Variants in AGBL1 observed in about 807,000 individuals in gnomAD.
The protein encoded by AGBL1 is AGBL carboxypeptidase 1, also known as cytosolic carboxypeptidase 4.
A neutral mutation model predicts 118.9 loss-of-function variants in AGBL1; 130 were observed. The ratio of observed to expected loss-of-function variants is 1.09; its 90% CI spans 0.95 to 1.26. The LOEUF (loss-of-function observed/expected upper bound fraction) is 1.26, where lower values mean the gene tolerates loss of function less well. Among genes scored for constraint, AGBL1 ranks in the 50% most tolerant of loss-of-function variants. The pLI is 0.00. For synonymous variants in AGBL1, 555 were observed against 478.9 expected (o/e 1.16, Z -2.08); for missense variants, 1,584 against 1,298.1 (o/e 1.22, Z -3.38).
intron 16 of AGBL1, among the ~76,000 whole-genome samples, chr15:86,289,814 C>A (rs2079515847): frequency 1.3e-5 from 2 of 152,176 alleles, no homozygotes; most frequent in Non-Finnish European, 2.9e-5. Flanking sequence ...CTCCTCATCT[C>A]AAATTTCCTA....
In AGBL1 at chr15:86,639,903, A is replaced by AATG. The variant is rs781250919; in HGVS notation, c.2995-34369_2995-34368insTGA. On this transcript the variant is annotated intron_variant, in intron 21 of 22. Coordinates refer to ENST00000614907, the MANE Select transcript of AGBL1 (RefSeq NM_001386094.1). Reference sequence around the variant, plus strand: ...TATAACCAGGCTGCAAACTCCTTGAAAGCTTGTCCTTATCTTCTGCTTTCT... The same window carrying AATG: ...TATAACCAGGCTGCAAACTCCTTGAAATGAGCTTGTCCTTATCTTCTGCTTTCT... Among the ~76,000 whole-genome samples the AATG allele has an allele frequency of 1.2e-4, 18 of 152,250 alleles. No individual in the cohort carries two copies. The South Asian group carries it at 1.5e-3, about 12-fold the overall frequency.
intron 22 of AGBL1, among the ~76,000 whole-genome samples, chr15:86,729,843 A>G: frequency 6.6e-6 from 1 of 152,170 alleles, no homozygotes; most frequent in East Asian, 1.9e-4. Flanking sequence ...TCTTAGAGAA[A>G]TCACACTGCT....
At chr15:86,477,832 A>G (rs1326933405) in intron 18 of AGBL1, among the ~76,000 whole-genome samples, 3 of 152,246 alleles carry the variant, frequency 2.0e-5, no homozygotes, top group African/African-American at 7.2e-5. Context: ...AAAAATCCTC[A>G]ATAAAATACT....
intron 22 of AGBL1, among the ~76,000 whole-genome samples, chr15:86,882,832 G>C (rs982877863): frequency 6.6e-6 from 1 of 152,060 alleles, no homozygotes; most frequent in Non-Finnish European, 1.5e-5. Flanking sequence ...AAACTAGACA[G>C]GAACCTAATG....
intron 19 of AGBL1, among the ~76,000 whole-genome samples, chr15:86,526,267 A>C (rs940641522): frequency 9.2e-5 from 14 of 152,132 alleles, no homozygotes; most frequent in Admixed American, 5.2e-4. Context: ...TACCAATGGG[A>C]ATGTATGTTA....
At chr15:86,661,162 C>A (rs756951663) in intron 21 of AGBL1, among the ~76,000 whole-genome samples, 2 of 152,110 alleles carry the variant, frequency 1.3e-5, no homozygotes, top group Non-Finnish European at 2.9e-5. Flanking sequence ...ACATTCAAGG[C>A]AAATCCTATT....
At chr15:86,671,772 C>A (rs1479335663) in intron 21 of AGBL1, among the ~76,000 whole-genome samples, 1 of 152,170 alleles carries the variant, frequency 6.6e-6, no homozygotes, top group Non-Finnish European at 1.5e-5. Flanking sequence ...CAATATGTAT[C>A]TGAGAGATAA....
intron 22 of AGBL1, among the ~76,000 whole-genome samples, chr15:86,900,810 T>G (rs1446228441): frequency 6.6e-6 from 1 of 152,206 alleles, no homozygotes; most frequent in Non-Finnish European, 1.5e-5. Context: ...TGATACTTCT[T>G]GCAGATTACT....
intron 19 of AGBL1, among the ~76,000 whole-genome samples, chr15:86,537,530 A>T (rs745413903): frequency 2.0e-5 from 3 of 152,258 alleles, no homozygotes; most frequent in East Asian, 1.9e-4. Context: ...TTCTCAGGGC[A>T]TTAGGCTTAC....
chr15:86,754,984 G>T (rs1479040138), intron 22 of AGBL1, among the ~76,000 whole-genome samples: 1 of 152,026 alleles, frequency 6.6e-6, no homozygotes, highest in Non-Finnish European at 1.5e-5. Context: ...AGAGAAGGAG[G>T]GGGTATATGA....
chr15:86,645,742 A>G (rs533001218), intron 21 of AGBL1, among the ~76,000 whole-genome samples: 135 of 152,348 alleles, frequency 8.9e-4, no homozygotes, highest in African/African-American at 3.2e-3. Context: ...ACTCAGTCCA[A>G]GTTCACAGAA....
rs113001543 is a variant in AGBL1 at position 86,210,512 on chromosome 15, G to A, written c.489-14402G>A. Among the ~76,000 whole-genome samples, 1,061 of 151,954 alleles carry A rather than the reference G, an allele frequency of 7.0e-3. 2 individuals carry two copies. Among genetic ancestry groups the A allele is most frequent in the Admixed American group, 0.012 (188 of 15,228 alleles). On this transcript the variant is annotated intron_variant, in intron 5 of 22. Transcript: ENST00000614907. ...ATATTTCTTGGAGGCTTTGTTCGTC[G>A]CTTTTTACTCTTTTTTCTCTAAACT... is the stretch of plus-strand genomic sequence containing the variant.
At chr15:86,876,612 T>C (rs2079813043) in intron 22 of AGBL1, among the ~76,000 whole-genome samples, 1 of 152,214 alleles carries the variant, frequency 6.6e-6, no homozygotes, top group African/African-American at 2.4e-5. Context: ...AAAGTTATTC[T>C]GCAAAGAGTA....
chr15:86,274,163 T>G (rs919461389), intron 15 of AGBL1, among the ~76,000 whole-genome samples: 2 of 152,210 alleles, frequency 1.3e-5, no homozygotes, highest in Admixed American at 1.3e-4. Context: ...AAATAATAGT[T>G]TATATCTACC....
At chr15:86,089,032 G>T (rs1032247494) in intron 1 of AGBL1, among the ~76,000 whole-genome samples, 5 of 152,152 alleles carry the variant, frequency 3.3e-5, no homozygotes, top group African/African-American at 1.2e-4. Flanking sequence ...AATGTGCATA[G>T]TATATTAATA....
Position 86,546,067 on chromosome 15 carries a change from G to A in AGBL1, c.2751G>A (p.Lys917=). The change falls in exon 20 of 23, where the codon AAG becomes AAA. Residue 917 remains lysine (K), a synonymous_variant. Coordinates refer to ENST00000614907, the MANE Select transcript of AGBL1 (RefSeq NM_001386094.1). ...KNVFLYGCSI[K]ETLWQAACTV... The stretch of plus-strand genomic sequence containing the variant: ...TGTTCCTTTATGGCTGTAGCATCAA[G>A]GAAACCTTGTGGCAAGCAGCATGCA... The A allele has an allele frequency of 6.2e-7, 1 of 1,613,384 alleles. No homozygotes were observed. The highest frequency in any genetic ancestry group is 8.5e-7 in the Non-Finnish European group (1 of 1,179,564).
chr15:86,655,091 A>G (rs2085441211), intron 21 of AGBL1, among the ~76,000 whole-genome samples: 1 of 152,166 alleles, frequency 6.6e-6, no homozygotes, highest in Non-Finnish European at 1.5e-5. Context: ...AGCCTACTCT[A>G]TCCATTGGCA....
intron 18 of AGBL1, among the ~76,000 whole-genome samples, chr15:86,427,322 A>G (rs896389646): frequency 6.6e-6 from 1 of 152,204 alleles, no homozygotes; most frequent in Non-Finnish European, 1.5e-5. Flanking sequence ...GAAATTGCAT[A>G]AGGATGAATA....
At chr15:86,993,595 A>C (rs2081352835) in intron 24 of AGBL1, among the ~76,000 whole-genome samples, 1 of 152,320 alleles carries the variant, frequency 6.6e-6, no homozygotes, top group East Asian at 1.9e-4. Flanking sequence ...GTGGGTGGTT[A>C]TATGAGTATG....
Sources: allele counts gnomAD v4.1 joint callset (sites outside exome capture counted in the v4.1 genomes callset), GRCh38; gene constraint gnomAD v4.1.1; transcripts MANE v1.5; gene names NCBI Gene and HGNC (gene_info 2026-07-23, HGNC 2026-07-21).